GLIS3: variants seen among roughly 807,000 people sequenced by gnomAD.
GLIS3 encodes the protein GLIS family zinc finger 3, also known as zinc finger protein GLIS3.
Under a neutral mutation model 78.6 loss-of-function variants are expected in GLIS3, and 53 were observed. The observed-to-expected ratio is 0.67, with a 90% CI of 0.54 to 0.85. The LOEUF (loss-of-function observed/expected upper bound fraction) is 0.85, where lower values mean the gene tolerates loss of function less well. Ranked by LOEUF, GLIS3 falls within the 40% of genes least tolerant of loss-of-function variation. GLIS3 has a pLI of 0.00. For synonymous variants in GLIS3, 684 were observed against 509.9 expected, an observed-to-expected ratio of 1.34 and a Z score of -4.60; for missense variants, 1,703 against 1,231.1, an observed-to-expected ratio of 1.38 and a Z score of -5.74.
chr9:4,017,746 T>C (rs544566737), intron 4 of GLIS3, among the ~76,000 whole-genome samples: 3 of 152,294 alleles, frequency 2.0e-5, no homozygotes, highest in East Asian at 1.9e-4. Context: ...GCAGGGGATA[T>C]ACCCCTCCTA....
chr9:4,335,084 G>A (rs1340757333), intron 2 of GLIS3, among the ~76,000 whole-genome samples: 1 of 151,606 alleles, frequency 6.6e-6, no homozygotes, highest in Non-Finnish European at 1.5e-5. Context: ...AATTTTTTGT[G>A]TTTTTAGTGG....
chr9:4,097,705 C>T (rs1386229210), intron 4 of GLIS3, among the ~76,000 whole-genome samples: 1 of 152,176 alleles, frequency 6.6e-6, no homozygotes, highest in Non-Finnish European at 1.5e-5. Context: ...GTGAAGCACA[C>T]TGAATTGCTC....
chr9:4,076,559 G>C (rs1227924554), intron 4 of GLIS3, among the ~76,000 whole-genome samples: 1 of 152,064 alleles, frequency 6.6e-6, no homozygotes, highest in Admixed American at 6.5e-5. Flanking sequence ...CAAATAAGTA[G>C]ATAAAAAAGA....
chr9:4,385,665 CAAAA>C, the GLIS3 span, among the ~76,000 whole-genome samples: 11 of 75,316 alleles, frequency 1.5e-4, no homozygotes, highest in African/African-American at 5.9e-4. Flanking sequence ...AACTCCATCT[CAAAA>C]AAAAAAAAAA....
intron 4 of GLIS3, among the ~76,000 whole-genome samples, chr9:4,004,960 C>T (rs185650527): frequency 2.6e-5 from 4 of 152,250 alleles, no homozygotes; most frequent in East Asian, 3.9e-4. Context: ...TGAAGCATAG[C>T]GAAGCCAAAG....
intron 2 of GLIS3, among the ~76,000 whole-genome samples, chr9:4,249,677 G>A (rs1247835490): frequency 6.6e-6 from 1 of 152,196 alleles, no homozygotes; most frequent in African/African-American, 2.4e-5. Flanking sequence ...TGGTGAGAGA[G>A]GACATCCTTG....
the GLIS3 span, among the ~76,000 whole-genome samples, chr9:4,410,211 A>G: frequency 6.6e-6 from 1 of 151,500 alleles, no homozygotes; most frequent in Non-Finnish European, 1.5e-5. Flanking sequence ...TGCTGGCCTC[A>G]AGCGATCCAC....
intron 4 of GLIS3, chr9:4,071,732 C>T (rs1827631164): frequency 6.6e-6 from 1 of 152,170 alleles, no homozygotes; most frequent in Admixed American, 6.5e-5. Flanking sequence ...TCACTTTTCC[C>T]TTTGCCATCC....
chr9:4,309,472 T>C (rs754923205), intron 3 of GLIS3, among the ~76,000 whole-genome samples: 40 of 152,252 alleles, frequency 2.6e-4, no homozygotes, highest in Non-Finnish European at 5.4e-4. Context: ...CTGAGTGGGT[T>C]CTCAAATTGG....
intron 4 of GLIS3, among the ~76,000 whole-genome samples, chr9:4,000,945 A>G (rs1821085628): frequency 6.6e-6 from 1 of 152,164 alleles, no homozygotes. Flanking sequence ...TCACAAAGCT[A>G]TATGCCAATT....
chr9:4,235,070 G>A (rs537777118), intron 2 of GLIS3, among the ~76,000 whole-genome samples: 2 of 152,182 alleles, frequency 1.3e-5, no homozygotes, highest in East Asian at 1.9e-4. Context: ...AGGCCGAGGT[G>A]GGTGGATCAC....
At chr9:4,023,433 A>G (rs1823049609) in intron 4 of GLIS3, among the ~76,000 whole-genome samples, 1 of 152,212 alleles carries the variant, frequency 6.6e-6, no homozygotes, top group South Asian at 2.1e-4. Context: ...TCAGACCCCA[A>G]AAAAGTGTCA....
At chr9:4,324,650 G>A (rs948989948) in intron 2 of GLIS3, among the ~76,000 whole-genome samples, 2 of 152,168 alleles carry the variant, frequency 1.3e-5, no homozygotes, top group Non-Finnish European at 2.9e-5. Context: ...AGGTCAATCT[G>A]AACACATAGT....
chr9:4,253,412 G>A (rs1471572101), intron 2 of GLIS3, among the ~76,000 whole-genome samples: 1 of 152,186 alleles, frequency 6.6e-6, no homozygotes, highest in Non-Finnish European at 1.5e-5. Flanking sequence ...CACTATGAGG[G>A]GAAAACCACC....
intron 2 of GLIS3, among the ~76,000 whole-genome samples, chr9:4,253,792 C>T (rs917679062): frequency 6.6e-6 from 1 of 152,186 alleles, no homozygotes. Context: ...GGGAAAAGCG[C>T]AGTATCTGGG....
chr9:4,204,450 A>AAG (rs1359950293), intron 2 of GLIS3, among the ~76,000 whole-genome samples: 1 of 152,182 alleles, frequency 6.6e-6, no homozygotes, highest in Non-Finnish European at 1.5e-5. Flanking sequence ...ACCAGTAAAA[A>AAG]AGCAAGGGGA....
intron 2 of GLIS3, among the ~76,000 whole-genome samples, chr9:4,205,974 T>A (rs544596332): frequency 1.3e-5 from 2 of 152,364 alleles, no homozygotes; most frequent in East Asian, 3.9e-4. Context: ...GTTCATTGTT[T>A]GTTTGTTTGC....
chr9:3,885,167 A>G (rs1412640601), intron 7 of GLIS3, among the ~76,000 whole-genome samples: 1 of 152,234 alleles, frequency 6.6e-6, no homozygotes, highest in Admixed American at 6.5e-5. Context: ...TTTCCCAAAT[A>G]AAGATTTCAG....
chr9:3,991,891 C>A (rs789266), intron 4 of GLIS3, among the ~76,000 whole-genome samples: 3 of 151,560 alleles, frequency 2.0e-5, no homozygotes, highest in East Asian at 1.9e-4. Context: ...GGGGTTTCAC[C>A]GTATTGGCCA....
Sources: allele counts gnomAD v4.1 joint callset (sites outside exome capture counted in the v4.1 genomes callset), GRCh38; gene constraint gnomAD v4.1.1; transcripts MANE v1.5; gene names NCBI Gene and HGNC (gene_info 2026-07-23, HGNC 2026-07-21).